IGFBP2: variants seen among roughly 807,000 people sequenced by gnomAD.
IGFBP2 encodes the protein insulin-like growth factor-binding protein 2.
A neutral mutation model predicts 26.2 loss-of-function variants in IGFBP2; 12 were observed. The observed-to-expected ratio is 0.46, with a 90% CI of 0.29 to 0.74. The LOEUF is 0.74. Among genes scored for constraint, IGFBP2 ranks in the 30% least tolerant of loss-of-function variants. The pLI is 0.09. For missense variants in IGFBP2, 328 were observed against 441.2 expected, an observed-to-expected ratio of 0.74 and a Z score of 2.30; for synonymous variants, 189 against 200.6, an observed-to-expected ratio of 0.94 and a Z score of 0.49.
intron 1 of IGFBP2, among the ~76,000 whole-genome samples, chr2:216,647,263 A>G (rs1490552946): frequency 6.6e-6 from 1 of 152,150 alleles, no homozygotes; most frequent in African/African-American, 2.4e-5. Context: ...CCTTCCTAAA[A>G]TGTTAATTGA....
chr2:216,652,632 G>T (rs9341171), intron 1 of IGFBP2, among the ~76,000 whole-genome samples: 4 of 152,214 alleles, frequency 2.6e-5, no homozygotes, highest in Non-Finnish European at 5.9e-5. Context: ...TTAATGAATC[G>T]TCCACTGCTA....
chr2:216,650,844 G>A (rs950058074), intron 1 of IGFBP2, among the ~76,000 whole-genome samples: 15 of 152,334 alleles, frequency 9.8e-5, no homozygotes, highest in African/African-American at 3.6e-4. Context: ...GTCTGTTGCT[G>A]AAGGATGGAA....
Position 216,638,638 on chromosome 2 carries a change from G to A in IGFBP2, c.442+4673G>A, listed in dbSNP as rs371325204. ...CTGTTCTCTGGCCCAGTCATCAGGT[G>A]GCTTCCAGTTGGTTCTCAGCTGGGC... On this transcript the variant is annotated intron_variant, in intron 1 of 3. Coordinates refer to ENST00000233809, the MANE Select transcript of IGFBP2 (RefSeq NM_000597.3). Among the ~76,000 whole-genome samples, 5 of 152,206 alleles carry A rather than the reference G, an allele frequency of 3.3e-5. No homozygotes were observed. In the East Asian group the frequency reaches 5.8e-4, roughly 18 times the overall value.
At chr2:216,634,073 T>G (rs1417848256) in intron 1 of IGFBP2, 108 bp downstream of exon 1, 4 of 1,412,038 alleles carry the variant, frequency 2.8e-6, no homozygotes, top group African/African-American at 1.5e-5. Context: ...AGCCGAGACC[T>G]TGGACCAAAT....
At chr2:216,659,577 C>G (rs1379884731) in intron 1 of IGFBP2, 2 of 687,820 alleles carry the variant, frequency 2.9e-6, no homozygotes, top group African/African-American at 3.5e-5. Context: ...GATTCAGATC[C>G]TCTCTGCCTC....
chr2:216,644,560 G>T (rs1697675406), intron 1 of IGFBP2, among the ~76,000 whole-genome samples: 1 of 152,130 alleles, frequency 6.6e-6, no homozygotes, highest in South Asian at 2.1e-4. Flanking sequence ...GAAGAGGGGG[G>T]TGTTTCAGCT....
chr2:216,657,295 G>A (rs1013686077), intron 1 of IGFBP2, among the ~76,000 whole-genome samples: 7 of 152,146 alleles, frequency 4.6e-5, no homozygotes, highest in East Asian at 3.9e-4. Context: ...GGATGAGTGC[G>A]TGCGCTGCAC....
chr2:216,634,647 A>G (rs1697456652), intron 1 of IGFBP2, among the ~76,000 whole-genome samples: 2 of 152,196 alleles, frequency 1.3e-5, no homozygotes, highest in South Asian at 4.1e-4. Context: ...AGCTGAATCA[A>G]TGTAACTTAA....
chr2:216,661,746 C>T (rs1574568983), intron 2 of IGFBP2, 112 bp from the exon 3 acceptor site: 1 of 1,255,556 alleles, frequency 8.0e-7, no homozygotes. Context: ...GCTGTGTGAC[C>T]ATGGGAAAGT....
Position 216,660,579 on chromosome 2 carries a change from AG to A in IGFBP2, c.467del (p.Gly156GlufsTer12). 6.2e-7 allele frequency: 1 copy of A among 1,610,618 alleles called. No homozygotes were observed. Among genetic ancestry groups the A allele is most frequent in the Non-Finnish European group, 8.5e-7 (1 of 1,177,906 alleles). On this transcript the variant is annotated frameshift_variant, in exon 2 of 4. Coordinates refer to ENST00000233809, the MANE Select transcript of IGFBP2 (RefSeq NM_000597.3). LOFTEE classifies it high-confidence loss of function. ...VADNGDDHSE[G>X]GLVENHVDST... is the part of the protein sequence containing the mutation. Reference sequence around the variant, plus strand: ...CAGACAATGGCGATGACCACTCAGAAGGAGGCCTGGTGGAGAACCACGTGGA... The same window carrying A: ...CAGACAATGGCGATGACCACTCAGAAGAGGCCTGGTGGAGAACCACGTGGA...
chr2:216,660,578 A>G lies in IGFBP2; in HGVS notation c.464A>G (p.Glu155Gly). Residue 155 changes from glutamate to glycine, a missense_variant, in exon 2 of 4, where the codon GAA (glutamate) becomes GGA (glycine). Physicochemically the swap from Glu to Gly is moderately conservative, Grantham distance 98. Transcript: ENST00000233809. ...QVADNGDDHSEGGLVENHVDS... is the reference protein window; with the variant it reads ...QVADNGDDHSGGGLVENHVDS... ...GCAGACAATGGCGATGACCACTCAG[A>G]AGGAGGCCTGGTGGAGAACCACGTG... is the stretch of plus-strand genomic sequence containing the variant. 6.2e-7 allele frequency: 1 copy of G among 1,610,430 alleles called. No individual in the cohort carries two copies. The highest frequency in any genetic ancestry group is 8.5e-7 in the Non-Finnish European group (1 of 1,177,812).
At chr2:216,660,944 T>C (rs1051601053) in intron 2 of IGFBP2, 158 bp downstream of exon 2, 7 of 624,964 alleles carry the variant, frequency 1.1e-5, no homozygotes, top group Middle Eastern at 2.6e-4. Context: ...TTAGTGACCT[T>C]TGGGGCAGTC....
intron 1 of IGFBP2, among the ~76,000 whole-genome samples, chr2:216,645,918 A>G (rs1407144320): frequency 6.6e-6 from 1 of 152,210 alleles, no homozygotes; most frequent in Non-Finnish European, 1.5e-5. Context: ...TAGGACTCCC[A>G]CTTGAGGCTC....
intron 1 of IGFBP2, among the ~76,000 whole-genome samples, chr2:216,637,802 A>G (rs1164923685): frequency 1.3e-5 from 2 of 152,206 alleles, no homozygotes; most frequent in Non-Finnish European, 2.9e-5. Context: ...GGAGGCTTAG[A>G]TAGTTCTCAC....
intron 2 of IGFBP2, 69 bp downstream of exon 2, chr2:216,660,855 G>T: frequency 8.0e-7 from 1 of 1,249,536 alleles, no homozygotes; most frequent in Non-Finnish European, 1.1e-6. Context: ...CTGGAGGAGG[G>T]CATCCTAATA....
intron 1 of IGFBP2, among the ~76,000 whole-genome samples, chr2:216,645,267 A>G (rs1697688820): frequency 6.6e-6 from 1 of 152,166 alleles, no homozygotes; most frequent in African/African-American, 2.4e-5. Context: ...TGGATCAAAG[A>G]GGCTTTTGCG....
intron 1 of IGFBP2, among the ~76,000 whole-genome samples, chr2:216,658,702 A>G (rs1156580004): frequency 6.6e-6 from 1 of 152,024 alleles, no homozygotes; most frequent in Non-Finnish European, 1.5e-5. Flanking sequence ...GGTGTGTGCC[A>G]CCACACCCGG....
Position 216,662,082 on chromosome 2 carries a change from A to G in IGFBP2, c.813+84A>G, listed in dbSNP as rs547086180. 7.7e-4 allele frequency: 1,138 copies of G among 1,478,238 alleles called. 3 individuals are homozygous for G. The highest frequency in any genetic ancestry group is 1.0e-3 in the Non-Finnish European group (1,080 of 1,076,936). 91.6% of individuals were successfully genotyped at this position (1,478,238 alleles called of 1,614,324 possible). On this transcript the variant is annotated intron_variant, in intron 3 of 3. Transcript: ENST00000233809. ...TGCCTTGTTTCTGCCCCACCCGCCTATGATCCTCTGAGGTCTGAGCTGAGT... is the reference window on the plus strand; with the variant it reads ...TGCCTTGTTTCTGCCCCACCCGCCTGTGATCCTCTGAGGTCTGAGCTGAGT...
intron 1 of IGFBP2, among the ~76,000 whole-genome samples, chr2:216,647,708 G>A (rs540755231): frequency 9.2e-5 from 14 of 152,228 alleles, no homozygotes; most frequent in African/African-American, 3.1e-4. Flanking sequence ...TTTTAGTAGA[G>A]ACGGGGTTTC....
Sources: gnomAD v4.1 joint callset for allele counts (sites outside exome capture counted in the v4.1 genomes callset) on GRCh38, gnomAD v4.1.1 for gene constraint, MANE v1.5 for transcripts, NCBI Gene and HGNC (gene_info 2026-07-23, HGNC 2026-07-21) for gene names.